CACNB2: variants seen among roughly 807,000 people sequenced by gnomAD.
CACNB2 encodes the protein calcium voltage-gated channel auxiliary subunit beta 2, also known as voltage-dependent L-type calcium channel subunit beta-2.
In CACNB2, 42 loss-of-function variants were observed where a neutral mutation model predicts 73.3. The ratio of observed to expected loss-of-function variants is 0.57; its 90% CI spans 0.45 to 0.74. The LOEUF (loss-of-function observed/expected upper bound fraction) is 0.74, where lower values mean the gene tolerates loss of function less well. CACNB2 is among the 30% of genes least tolerant of loss of function. The pLI, the probability that CACNB2 is intolerant of heterozygous loss-of-function variation, is 0.00. For missense variants in CACNB2, 940 were observed against 853.0 expected (o/e 1.10, Z -1.27); for synonymous variants, 348 against 310.3 (o/e 1.12, Z -1.28).
intron 2 of CACNB2, among the ~76,000 whole-genome samples, chr10:18,220,204 T>G (rs1380335853): frequency 4.1e-5 from 1 of 24,116 alleles, no homozygotes; most frequent in Non-Finnish European, 6.9e-5. Context: ...TGTGTGTGTA[T>G]ATATATATAT....
chr10:18,520,271 G>A lies in CACNB2; in HGVS notation c.944+1303G>A, dbSNP rs142035594. On this transcript the variant is annotated intron_variant, in intron 9 of 13. Coordinates refer to ENST00000324631, the MANE Select transcript of CACNB2 (RefSeq NM_201596.3). Reference sequence around the variant, plus strand: ...CCCTATCTCAATTAATAGCTTCTTCGTCTTTCAGTCCCGAGACCCTTCAGC... The same window carrying A: ...CCCTATCTCAATTAATAGCTTCTTCATCTTTCAGTCCCGAGACCCTTCAGC... Among the ~76,000 whole-genome samples the A allele has an allele frequency of 2.7e-3, 417 of 152,092 alleles. 2 individuals are homozygous for A. The highest frequency in any genetic ancestry group is 7.6e-3 in the African/African-American group (314 of 41,490).
chr10:18,530,555 T>TAACA (rs1298795410), intron 10 of CACNB2, among the ~76,000 whole-genome samples: 1 of 150,082 alleles, frequency 6.7e-6, no homozygotes, highest in Admixed American at 6.6e-5. Flanking sequence ...CAACTGCATC[T>TAACA]AACACCAAAC....
chr10:18,536,242 C>CCTTTT lies in CACNB2; in HGVS notation c.1302+47_1302+51dup, dbSNP rs139064706. 2,342 of 280,612 alleles carry CCTTTT rather than the reference C, an allele frequency of 8.3e-3. 134 individuals carry two copies. The highest frequency in any genetic ancestry group is 0.026 in the South Asian group (585 of 22,772). The allele number at this position is 280,612 out of a possible 1,614,324, so 17.4% of individuals were successfully genotyped here. On this transcript the variant is annotated intron_variant, in intron 12 of 13. Coordinates refer to ENST00000324631, the MANE Select transcript of CACNB2 (RefSeq NM_201596.3). ...GCATAATCCAGTTACAGAGATCAGACCTTTTTTTTTTTTTTTTTTTTTTTT... is the reference window on the plus strand; with the variant it reads ...GCATAATCCAGTTACAGAGATCAGACCTTTTCTTTTTTTTTTTTTTTTTTTTTTTT...
rs1370714218 is a variant in CACNB2 at position 18,543,243 on chromosome 10, G to A, written c.*3519G>A. On this transcript the variant is annotated 3_prime_UTR_variant, in exon 14 of 14. Transcript: ENST00000324631. ...TCCCAGCTGCAGGGCATCTTTCTTGGGGCAATGCTAAATACTTTATGTTCC... is the reference window on the plus strand; with the variant it reads ...TCCCAGCTGCAGGGCATCTTTCTTGAGGCAATGCTAAATACTTTATGTTCC... 6.6e-6 allele frequency: 1 copy of A among 151,734 alleles called. No homozygotes were observed. The highest frequency in any genetic ancestry group is 1.5e-5 in the Non-Finnish European group (1 of 67,936). The allele number at this position is 151,734 out of a possible 1,614,324, so 9.4% of individuals were successfully genotyped here.
At chr10:18,240,909 G>T (rs2131502904) in intron 2 of CACNB2, among the ~76,000 whole-genome samples, 1 of 152,174 alleles carries the variant, frequency 6.6e-6, no homozygotes, top group East Asian at 1.9e-4. Context: ...CACTTACTCA[G>T]AGTAATCTTT....
At chr10:18,358,899 C>T (rs2042038829) in intron 2 of CACNB2, among the ~76,000 whole-genome samples, 1 of 152,124 alleles carries the variant, frequency 6.6e-6, no homozygotes, top group African/African-American at 2.4e-5. Flanking sequence ...TTTGTTGTTG[C>T]TGCTGTTCTT....
At chr10:18,327,806 CTCT>C (rs2040643452) in intron 2 of CACNB2, among the ~76,000 whole-genome samples, 1 of 152,130 alleles carries the variant, frequency 6.6e-6, no homozygotes, top group Non-Finnish European at 1.5e-5. Flanking sequence ...TCCGACTAAC[CTCT>C]TCTTACAGAT....
chr10:18,493,093 A>C (rs2049551972), intron 3 of CACNB2, among the ~76,000 whole-genome samples: 1 of 152,238 alleles, frequency 6.6e-6, no homozygotes, highest in Non-Finnish European at 1.5e-5. Flanking sequence ...CATAGCGTTT[A>C]CCTTGTATTA....
At chr10:18,282,377 G>A (rs140279306) in intron 2 of CACNB2, among the ~76,000 whole-genome samples, 50 of 152,296 alleles carry the variant, frequency 3.3e-4, no homozygotes, top group Admixed American at 9.2e-4. Context: ...AGCCCCCTCC[G>A]TGTGTGAGCA....
chr10:18,277,169 A>T (rs933213890), intron 2 of CACNB2, among the ~76,000 whole-genome samples: 2 of 152,180 alleles, frequency 1.3e-5, no homozygotes, highest in African/African-American at 4.8e-5. Context: ...TGAGTAAAGA[A>T]TCCCGTGAGG....
At chr10:18,267,882 C>G (rs1395793409) in intron 2 of CACNB2, among the ~76,000 whole-genome samples, 1 of 152,202 alleles carries the variant, frequency 6.6e-6, no homozygotes, top group African/African-American at 2.4e-5. Flanking sequence ...CCAGCCTTTG[C>G]ACACCAGAGA....
At chr10:18,202,431 G>C (rs1675053551) in intron 2 of CACNB2, among the ~76,000 whole-genome samples, 1 of 152,104 alleles carries the variant, frequency 6.6e-6, no homozygotes, top group Non-Finnish European at 1.5e-5. Flanking sequence ...ATATATTATA[G>C]GGACCAAACC....
rs545661091 is a variant in CACNB2, at chr10:18,216,085, C to G, written c.213+65110C>G. ...CCGAGGCGGGTGGATCACCTAAGGTCAGGAGTTTGAGACCAGCCTGACCAA... is the reference window on the plus strand; with the variant it reads ...CCGAGGCGGGTGGATCACCTAAGGTGAGGAGTTTGAGACCAGCCTGACCAA... On this transcript the variant is annotated intron_variant, in intron 2 of 13. Transcript: ENST00000324631. 1.2e-4 allele frequency among the ~76,000 whole-genome samples: 18 copies of G among 151,560 alleles called. 1 individual carries two copies. The highest frequency in any genetic ancestry group is 1.6e-4 in the Non-Finnish European group (11 of 67,966).
chr10:18,390,805 C>G (rs2043434852), intron 2 of CACNB2, among the ~76,000 whole-genome samples: 1 of 152,134 alleles, frequency 6.6e-6, no homozygotes, highest in African/African-American at 2.4e-5. Flanking sequence ...ATATTCGCAA[C>G]CATCTGTAAG....
rs2046088444 is a variant in CACNB2, at chr10:18,435,500, C to G, written c.333+33457C>G. Among the ~76,000 whole-genome samples the G allele has an allele frequency of 2.0e-5, 3 of 151,842 alleles. No homozygotes were observed. In the South Asian group the frequency reaches 6.3e-4, roughly 32 times the overall value. ...ACCAAATCAATCTTTGACTGCTTTC[C>G]CCTGCATACCTTTTTTGATATAGGG... On this transcript the variant is annotated intron_variant, in intron 3 of 13. Coordinates refer to ENST00000324631, the MANE Select transcript of CACNB2 (RefSeq NM_201596.3).
intron 5 of CACNB2, among the ~76,000 whole-genome samples, chr10:18,501,742 T>G (rs1589566405): frequency 6.6e-6 from 1 of 152,360 alleles, no homozygotes; most frequent in East Asian, 1.9e-4. Context: ...TTATCTAAGA[T>G]GCAAATCCCT....
intron 2 of CACNB2, among the ~76,000 whole-genome samples, chr10:18,349,642 A>G (rs562518767): frequency 1.4e-4 from 21 of 152,092 alleles, no homozygotes; most frequent in South Asian, 6.2e-4. Context: ...CACAGAGTCT[A>G]GAATGGTGGT....
intron 2 of CACNB2, among the ~76,000 whole-genome samples, chr10:18,195,395 G>T (rs1017112107): frequency 2.0e-5 from 3 of 152,144 alleles, no homozygotes; most frequent in South Asian, 4.1e-4. Context: ...TATCAGAGAG[G>T]TTCTGGGATA....
At chr10:18,483,913 C>T (rs1040925338) in intron 3 of CACNB2, among the ~76,000 whole-genome samples, 4 of 152,148 alleles carry the variant, frequency 2.6e-5, no homozygotes, top group African/African-American at 9.7e-5. Context: ...GTCCTCGCCA[C>T]AGAATACAAT....
Sources: allele counts gnomAD v4.1 joint callset (sites outside exome capture counted in the v4.1 genomes callset), GRCh38; gene constraint gnomAD v4.1.1; transcripts MANE v1.5; gene names NCBI Gene and HGNC (gene_info 2026-07-23, HGNC 2026-07-21).